LYPLAL1: variants seen among roughly 807,000 people sequenced by gnomAD.
LYPLAL1 encodes the protein lysophospholipase like 1.
In LYPLAL1, 23 loss-of-function variants were observed where a neutral mutation model predicts 19.7. The ratio of observed to expected loss-of-function variants is 1.17; its 90% CI spans 0.84 to 1.65. The LOEUF (loss-of-function observed/expected upper bound fraction) is 1.65, where lower values mean the gene tolerates loss of function less well. LYPLAL1 is among the 40% of genes most tolerant of loss of function. The pLI is 0.00. For synonymous variants in LYPLAL1, 119 were observed against 96.3 expected, an observed-to-expected ratio of 1.24 and a Z score of -1.38; for missense variants, 355 against 279.4, an observed-to-expected ratio of 1.27 and a Z score of -1.93.
At chr1:219,271,938 C>T in the LYPLAL1 span, 1 of 152,206 alleles carries the variant, frequency 6.6e-6, no homozygotes, top group Non-Finnish European at 1.5e-5. Flanking sequence ...CTTTGCTTTG[C>T]AGGAGACTGA....
the LYPLAL1 span, among the ~76,000 whole-genome samples, chr1:219,384,606 T>G: frequency 5.6e-4 from 85 of 152,028 alleles, no homozygotes; most frequent in Non-Finnish European, 1.5e-5. Flanking sequence ...ATTATGATCT[T>G]TGATCAAAAA....
the LYPLAL1 span, among the ~76,000 whole-genome samples, chr1:219,358,031 G>C: frequency 2.6e-5 from 4 of 152,132 alleles, no homozygotes; most frequent in South Asian, 4.1e-4. Context: ...CCACACAGGA[G>C]ACATTTTGGG....
chr1:219,398,120 T>A, the LYPLAL1 span, among the ~76,000 whole-genome samples: 1 of 152,236 alleles, frequency 6.6e-6, no homozygotes, highest in African/African-American at 2.4e-5. Context: ...GTTGAAGTTG[T>A]CATGGATGAT....
At chr1:219,333,634 A>G in the LYPLAL1 span, among the ~76,000 whole-genome samples, 1 of 152,096 alleles carries the variant, frequency 6.6e-6, no homozygotes, top group Non-Finnish European at 1.5e-5. Flanking sequence ...CTTAAAAGAA[A>G]TGTTTATAAG....
intron 3 of LYPLAL1, among the ~76,000 whole-genome samples, chr1:219,210,169 C>T (rs1365862202): frequency 4.6e-5 from 7 of 151,966 alleles, no homozygotes; most frequent in Non-Finnish European, 8.8e-5. Context: ...TTATTAATTG[C>T]GTTGCAGTGT....
At chr1:219,285,981 G>GATAGAA in the LYPLAL1 span, among the ~76,000 whole-genome samples, 19 of 152,196 alleles carry the variant, frequency 1.2e-4, 1 homozygote, top group East Asian at 3.5e-3. Flanking sequence ...TAGAGATAGA[G>GATAGAA]ATAGAAATAG....
At chr1:219,316,388 A>G in the LYPLAL1 span, among the ~76,000 whole-genome samples, 1 of 152,250 alleles carries the variant, frequency 6.6e-6, no homozygotes, top group East Asian at 1.9e-4. Context: ...GTTCAAAAGG[A>G]TTATTGATTT....
chr1:219,193,062 G>GA lies in LYPLAL1; in HGVS notation c.192-20_192-19insA. ...CCCTTTTCCTTTCTTTTTTTTTGGG[G>GA]GGGGGCGGTTGTTAAACAGATCATA... On this transcript the variant is annotated intron_variant, in intron 2 of 4. Coordinates refer to ENST00000366928, the MANE Select transcript of LYPLAL1 (RefSeq NM_138794.5). 2 of 1,512,470 alleles carry GA rather than the reference G, an allele frequency of 1.3e-6. No homozygotes were observed. The highest frequency in any genetic ancestry group is 8.9e-7 in the Non-Finnish European group (1 of 1,124,690). 93.7% of individuals were successfully genotyped at this position (1,512,470 alleles called of 1,614,324 possible). A position where few individuals can be genotyped will look rare whatever the true frequency, so the allele number is the denominator to read the frequency against.
the LYPLAL1 span, among the ~76,000 whole-genome samples, chr1:219,345,498 T>A: frequency 2.0e-5 from 3 of 152,156 alleles, no homozygotes; most frequent in Admixed American, 2.0e-4. Flanking sequence ...AAGATGCAAT[T>A]AGGAAACTGT....
the LYPLAL1 span, among the ~76,000 whole-genome samples, chr1:219,237,937 T>C: frequency 2.0e-5 from 3 of 152,162 alleles, no homozygotes; most frequent in Non-Finnish European, 4.4e-5. Context: ...TACATGCTTA[T>C]TGAATGACTG....
chr1:219,442,681 A>G, the LYPLAL1 span: 1 of 151,940 alleles, frequency 6.6e-6, no homozygotes, highest in Admixed American at 6.6e-5. Flanking sequence ...GCTGACTTTT[A>G]TTTCTTTTCT....
chr1:219,209,786 C>A (rs529368585), intron 3 of LYPLAL1, among the ~76,000 whole-genome samples: 4 of 152,204 alleles, frequency 2.6e-5, no homozygotes, highest in African/African-American at 7.2e-5. Flanking sequence ...TAACAGCTAT[C>A]TCCATATTCT....
chr1:219,346,257 A>C, the LYPLAL1 span, among the ~76,000 whole-genome samples: 5 of 152,122 alleles, frequency 3.3e-5, no homozygotes, highest in African/African-American at 9.7e-5. Flanking sequence ...TGTGTGGGAA[A>C]ACAGGAATTA....
chr1:219,278,543 G>C, the LYPLAL1 span, among the ~76,000 whole-genome samples: 1 of 152,124 alleles, frequency 6.6e-6, no homozygotes, highest in African/African-American at 2.4e-5. Flanking sequence ...GATGGGGCTG[G>C]GGTTTGAATT....
At chr1:219,230,333 G>A in the LYPLAL1 span, among the ~76,000 whole-genome samples, 6 of 152,110 alleles carry the variant, frequency 3.9e-5, no homozygotes, top group African/African-American at 9.7e-5. Context: ...GGCTGATCTC[G>A]AACTCCTGAC....
chr1:219,337,799 C>CT, the LYPLAL1 span, among the ~76,000 whole-genome samples: 176 of 152,080 alleles, frequency 1.2e-3, no homozygotes, highest in African/African-American at 4.1e-3. Flanking sequence ...AAGGACCAAA[C>CT]TGTGTATTGC....
the LYPLAL1 span, among the ~76,000 whole-genome samples, chr1:219,346,680 G>T: frequency 6.6e-6 from 1 of 152,222 alleles, no homozygotes; most frequent in South Asian, 2.1e-4. Flanking sequence ...AGGTTTGGGG[G>T]AGAATCAGAG....
At chr1:219,341,835 T>C in the LYPLAL1 span, among the ~76,000 whole-genome samples, 1 of 152,116 alleles carries the variant, frequency 6.6e-6, no homozygotes, top group South Asian at 2.1e-4. Flanking sequence ...TCAGAAGCCA[T>C]TTAAATAAAA....
downstream of LYPLAL1, among the ~76,000 whole-genome samples, chr1:219,215,517 C>T (rs1211464174): frequency 2.0e-5 from 3 of 152,054 alleles, no homozygotes; most frequent in Non-Finnish European, 2.9e-5. Context: ...AGGGTGTTTA[C>T]TCACACCCAT....
Sources: gnomAD v4.1 joint callset for allele counts (sites outside exome capture counted in the v4.1 genomes callset) on GRCh38, gnomAD v4.1.1 for gene constraint, MANE v1.5 for transcripts, NCBI Gene and HGNC (gene_info 2026-07-23, HGNC 2026-07-21) for gene names.